CCDC78: variants seen among roughly 807,000 people sequenced by gnomAD.
The protein encoded by CCDC78 is coiled-coil domain-containing protein 78.
A neutral mutation model predicts 61.9 loss-of-function variants in CCDC78; 78 were observed. That is an observed-to-expected ratio of 1.26 (90% CI 1.05 to 1.52). The LOEUF (loss-of-function observed/expected upper bound fraction) is 1.52, where lower values mean the gene tolerates loss of function less well. CCDC78 is among the 40% of genes most tolerant of loss of function. The probability of loss-of-function intolerance (pLI) is 0.00; values close to 1 mark genes in which losing one functional copy is unlikely to be tolerated. For synonymous variants in CCDC78, 287 were observed against 251.9 expected (o/e 1.14, Z -1.32); for missense variants, 737 against 615.5 (o/e 1.20, Z -2.09).
chr16:726,471 T>G (rs1304692724), upstream of CCDC78: 19 of 1,406,682 alleles, frequency 1.4e-5, no homozygotes, highest in Non-Finnish European at 1.7e-5. Context: ...TGCCAAGGCC[T>G]CTGTTGGTCC....
chr16:725,809 G>A lies in CCDC78; in HGVS notation c.252C>T (p.Phe84=), dbSNP rs766553371. 3.7e-6 allele frequency: 6 copies of A among 1,609,100 alleles called. No homozygotes were observed. The highest frequency in any genetic ancestry group is 5.1e-6 in the Non-Finnish European group (6 of 1,177,758). Residue 84 remains phenylalanine, a synonymous_variant, in exon 3 of 14, where the codon TTC becomes TTT. Coordinates refer to ENST00000345165, the MANE Select transcript of CCDC78 (RefSeq NM_001378030.1). ...HLHEQHEAEI[F]QLKSEILRLE... ...GGCTGCTCACCTCACTCTTCAGCTGGAAGATTTCAGCCTCATGCTGCTCAT... is the reference window on the plus strand; with the variant it reads ...GGCTGCTCACCTCACTCTTCAGCTGAAAGATTTCAGCCTCATGCTGCTCAT...
chr16:724,989 C>T lies in CCDC78; in HGVS notation c.561G>A (p.Val187=). 1.9e-6 allele frequency: 3 copies of T among 1,612,164 alleles called. No individual in the cohort carries two copies. The highest frequency in any genetic ancestry group is 2.2e-5 in the East Asian group (1 of 44,866). The change falls in exon 7 of 14, where the codon GTG becomes GTA. Residue 187 remains valine, a splice_region_variant and synonymous_variant. Coordinates refer to ENST00000345165, the MANE Select transcript of CCDC78 (RefSeq NM_001378030.1). The part of the protein sequence containing the change: ...EARQQALVTR[V]ATLGRQLQGA... ...CCTGCAGCTGCCGGCCCAGGGTTGC[C>T]CTGAAGACACGGGGGTGAGGCTCAG...
In CCDC78 at chr16:725,776, G is replaced by C; in HGVS notation, c.267+18C>G. The C allele has an allele frequency of 1.9e-6, 3 of 1,596,844 alleles. No homozygotes were observed. Among genetic ancestry groups the C allele is most frequent in the Admixed American group, 1.7e-5 (1 of 57,988 alleles). ...CCCCGTCCCCCATGCACTGAGGCTG[G>C]TTCACACGGCTGCTCACCTCACTCT... On this transcript the variant is annotated intron_variant, in intron 3 of 13. Transcript: ENST00000345165.
rs376412009 is a variant in CCDC78 at position 724,717 on chromosome 16, G to A, written c.729C>T (p.Tyr243=). Residue 243 remains tyrosine, a synonymous_variant, in exon 8 of 14, where the codon TAC becomes TAT. Transcript: ENST00000345165. Reference sequence around the variant, plus strand: ...AGGCGCAGTGTTGCAGCCGTAGGACGTACTCATCCTTCAGTTTCTTGAGCT... The same window carrying A: ...AGGCGCAGTGTTGCAGCCGTAGGACATACTCATCCTTCAGTTTCTTGAGCT... ...QLQLKKLKDE[Y]VLRLQHCAWQ... is the part of the protein sequence containing the mutation. 1.3e-5 allele frequency: 21 copies of A among 1,611,918 alleles called. No individual in the cohort carries two copies. Among genetic ancestry groups the A allele is most frequent in the Admixed American group, 1.0e-4 (6 of 59,968 alleles).
chr16:726,103 C>A lies in CCDC78; in HGVS notation c.61-18G>T. 6.5e-7 allele frequency: 1 copy of A among 1,549,284 alleles called. No individual in the cohort carries two copies. Reference sequence around the variant, plus strand: ...AGCACAACCTGGGGAGGTACCGCCACCCATTCCCCAGGTGGGTCCCAGGCT... The same window carrying A: ...AGCACAACCTGGGGAGGTACCGCCAACCATTCCCCAGGTGGGTCCCAGGCT... On this transcript the variant is annotated intron_variant, in intron 1 of 13. Transcript: ENST00000345165.
At chr16:726,498 C>A, upstream of CCDC78, 1 of 1,158,736 alleles carries the variant, frequency 8.6e-7, no homozygotes. Flanking sequence ...ACTCCCAGGG[C>A]ACCGCCCACA....
Position 722,776 on chromosome 16 carries a change from T to C in CCDC78, c.1315A>G (p.Ile439Val), listed in dbSNP as rs1596594989. 6.2e-7 allele frequency: 1 copy of C among 1,612,594 alleles called. No individual in the cohort carries two copies. Among genetic ancestry groups the C allele is most frequent in the African/African-American group, 1.3e-5 (1 of 75,030 alleles). ...DQHLGRYKHEILRLRKLAGAG... is the reference protein window; with the variant it reads ...DQHLGRYKHEVLRLRKLAGAG... Reference sequence around the variant, plus strand: ...CCTGCCAGCTTCCTCAGCCTCAGGATTTCGTGCTTGTACCTGCTCAGAGGA... The same window carrying C: ...CCTGCCAGCTTCCTCAGCCTCAGGACTTCGTGCTTGTACCTGCTCAGAGGA... Residue 439 changes from isoleucine to valine, a missense_variant, in exon 14 of 14, where the codon ATC becomes GTC. Transcript: ENST00000345165.
At position 723,178 on chromosome 16, in the gene CCDC78, AAGG is replaced by A. The variant is rs771910097; in HGVS notation, c.1134-20_1134-18del. 9.9e-6 allele frequency: 16 copies of A among 1,611,972 alleles called. No homozygotes were observed. Among genetic ancestry groups the A allele is most frequent in the African/African-American group, 1.3e-5 (1 of 75,024 alleles). On this transcript the variant is annotated intron_variant, in intron 11 of 13. Coordinates refer to ENST00000345165, the MANE Select transcript of CCDC78 (RefSeq NM_001378030.1). ...TCCAGGCCCCTGTGAGGGGAGAGGA[AAGG>A]AGGAGTGGTTTTGAGAGCTGGCATG...
intron 5 of CCDC78, 39 bp from the exon 6 acceptor site, chr16:725,184 C>G (rs1191062543): frequency 6.2e-7 from 1 of 1,611,928 alleles, no homozygotes; most frequent in Non-Finnish European, 8.5e-7. Context: ...AGACCCTAGG[C>G]TTGGGGTCTC....
intron 11 of CCDC78, 76 bp downstream of exon 11, chr16:723,781 G>A: frequency 1.4e-6 from 2 of 1,387,168 alleles, no homozygotes; most frequent in East Asian, 5.0e-5. Flanking sequence ...TGGAGCAACT[G>A]GGGGCCCCAG....
rs1262643857 is a variant in CCDC78, at chr16:724,955, C to T, written c.595G>A (p.Glu199Lys). The T allele has an allele frequency of 6.2e-7, 1 of 1,611,276 alleles. No homozygotes were observed. The highest frequency in any genetic ancestry group is 8.5e-7 in the Non-Finnish European group (1 of 1,179,278). ...CGCTGCCCGGCTGCCCTGGCCTCCT[C>T]TCGGGCTCCCTGCAGCTGCCGGCCC... Reference protein sequence around the residue: ...TLGRQLQGAREEARAAGQRLA... With the variant: ...TLGRQLQGARKEARAAGQRLA... Residue 199 changes from glutamate to lysine, a missense_variant, in exon 7 of 14, where the codon GAG becomes AAG. Transcript: ENST00000345165.
upstream of CCDC78, chr16:726,444 G>A (rs2040955719): frequency 6.7e-7 from 1 of 1,486,592 alleles, no homozygotes; most frequent in Admixed American, 2.6e-5. Context: ...TGCTGCCACT[G>A]GCACTGCTAA....
Position 725,899 on chromosome 16 carries a change from G to C in CCDC78, c.181-19C>G, listed in dbSNP as rs1326369197. 2 of 1,602,812 alleles carry C rather than the reference G, an allele frequency of 1.2e-6. No homozygotes were observed. The highest frequency in any genetic ancestry group is 1.7e-5 in the Admixed American group (1 of 58,872). ...TGGAGATCTGTGGGTGGCCAGGTGA[G>C]AGGTGGCGTCTGTGGGCCCTGCTGG... On this transcript the variant is annotated intron_variant, in intron 2 of 13. Transcript: ENST00000345165.
intron 1 of CCDC78, 24 bp from the exon 2 acceptor site, chr16:726,109 CCCCAGGTGGGT>C: frequency 6.5e-7 from 1 of 1,549,418 alleles, no homozygotes; most frequent in Non-Finnish European, 8.7e-7. Flanking sequence ...GCCACCCATT[CCCCAGGTGGGT>C]CCCAGGCTGG....
chr16:722,748 G>A lies in CCDC78; in HGVS notation c.1343C>T (p.Ala448Val), dbSNP rs745499090. The A allele has an allele frequency of 6.2e-7, 1 of 1,612,140 alleles. No homozygotes were observed. Among genetic ancestry groups the A allele is most frequent in the Non-Finnish European group, 8.5e-7 (1 of 1,179,962 alleles). Residue 448 changes from alanine to valine, a missense_variant, in exon 14 of 14, where the codon GCA (alanine) becomes GTA (valine). Ala to Val is a moderately conservative substitution (Grantham distance 64, BLOSUM62 0). Coordinates refer to ENST00000345165, the MANE Select transcript of CCDC78 (RefSeq NM_001378030.1). ...AGCCCCCACTTTCCAGGGGTCCCCT[G>A]CACCTGCCAGCTTCCTCAGCCTCAG... is the stretch of plus-strand genomic sequence containing the variant. Reference protein sequence around the residue: ...EILRLRKLAGAGDPWKVGAVP... With the variant: ...EILRLRKLAGVGDPWKVGAVP...
In CCDC78 at chr16:724,481, G is replaced by A; in HGVS notation, c.794C>T (p.Pro265Leu). 1.2e-6 allele frequency: 2 copies of A among 1,600,326 alleles called. No individual in the cohort carries two copies. The highest frequency in any genetic ancestry group is 2.2e-5 in the East Asian group (1 of 44,864). ...VEHADGAGQA[P>L]ATTALRTFLE... is the part of the protein sequence containing the mutation. ...GAATGTCCGGAGGGCCGTGGTGGCT[G>A]GCGCTTGGCCTGCACCATCTGCGTG... Residue 265 changes from proline to leucine, a missense_variant, in exon 9 of 14, where the codon CCA (proline) becomes CTA (leucine). Coordinates refer to ENST00000345165, the MANE Select transcript of CCDC78 (RefSeq NM_001378030.1).
rs185369512 is a variant in CCDC78 at position 722,762 on chromosome 16, C to T, written c.1329G>A (p.Arg443=). ...AGGGGTCCCCTGCACCTGCCAGCTT[C>T]CTCAGCCTCAGGATTTCGTGCTTGT... The part of the protein sequence containing the change: ...GRYKHEILRL[R]KLAGAGDPWK... Residue 443 remains arginine (R), a synonymous_variant, in exon 14 of 14, where the codon AGG becomes AGA. Transcript: ENST00000345165. 5.2e-5 allele frequency: 84 copies of T among 1,612,522 alleles called. No individual in the cohort carries two copies. Among genetic ancestry groups the T allele is most frequent in the Middle Eastern group, 5.0e-4 (3 of 6,060 alleles).
Position 724,310 on chromosome 16 carries a change from A to G in CCDC78, c.953+12T>C, listed in dbSNP as rs1217519757. The G allele has an allele frequency of 6.2e-7, 1 of 1,608,272 alleles. No individual in the cohort carries two copies. The highest frequency in any genetic ancestry group is 1.7e-5 in the Admixed American group (1 of 59,814). On this transcript the variant is annotated intron_variant, in intron 9 of 13. Coordinates refer to ENST00000345165, the MANE Select transcript of CCDC78 (RefSeq NM_001378030.1). ...ACAGATGCCTGACACCTCCCATCCCAGCGGGGCCCACCTGTAGGCAACCAG... is the reference window on the plus strand; with the variant it reads ...ACAGATGCCTGACACCTCCCATCCCGGCGGGGCCCACCTGTAGGCAACCAG...
rs761947426 is a variant in CCDC78 at position 725,368 on chromosome 16, C to T, written c.435+45G>A. 5 of 1,611,420 alleles carry T rather than the reference C, an allele frequency of 3.1e-6. No individual in the cohort carries two copies. In the South Asian group the frequency reaches 5.5e-5, roughly 18 times the overall value. ...TTCACTGAGGCCCCTGCTGAGGCTT[C>T]CCTCTGGCCTTTCCCAGCCAGGCTC... On this transcript the variant is annotated intron_variant, in intron 4 of 13. Coordinates refer to ENST00000345165, the MANE Select transcript of CCDC78 (RefSeq NM_001378030.1).
Sources: allele counts gnomAD v4.1 joint callset, GRCh38; gene constraint gnomAD v4.1.1; transcripts MANE v1.5; gene names NCBI Gene and HGNC (gene_info 2026-07-23, HGNC 2026-07-21).